The following MROH1 variants were observed in gnomAD, a reference collection of about 807,000 sequenced individuals.
The protein encoded by MROH1 is maestro heat-like repeat-containing protein family member 1.
MROH1 carries 117 observed loss-of-function variants against 116.5 expected under a neutral mutation model. The observed-to-expected ratio is 1.00, with a 90% CI of 0.86 to 1.17. MROH1 has a LOEUF of 1.17. Ranked by LOEUF, MROH1 falls within the 50% of genes most tolerant of loss-of-function variation. The pLI is 0.00. For synonymous variants in MROH1, 921 were observed against 583.9 expected (o/e 1.58, Z -8.32); for missense variants, 1,873 against 1,338.5 (o/e 1.40, Z -6.23).
In MROH1 at chr8:144,239,699, C is replaced by T. The variant is rs1840642375; in HGVS notation, c.1718C>T (p.Pro573Leu). ...AGTGTTCTGCACCCAAACATTCACC[C>T]TTTGCTGGGTCAGCATTGGGAAACG... ...LLSVLHPNIH[P>L]LLGQHWETTV... The change falls in exon 18 of 44, where the codon CCT (proline) becomes CTT (leucine). Residue 573 changes from proline (P) to leucine (L), a missense_variant. Coordinates refer to ENST00000326134, the MANE Select transcript of MROH1 (RefSeq NM_032450.3). The T allele has an allele frequency of 1.4e-6, 1 of 737,078 alleles. No homozygotes were observed. The highest frequency in any genetic ancestry group is 1.9e-5 in the Admixed American group (1 of 52,282). 45.7% of individuals were successfully genotyped at this position (737,078 alleles called of 1,614,324 possible). A position where few individuals can be genotyped will look rare whatever the true frequency, so the allele number is the denominator to read the frequency against.
At chr8:144,148,656 A>G in intron 1 of MROH1, 1 of 152,788 alleles carries the variant, frequency 6.5e-6, no homozygotes, top group East Asian at 1.9e-4. Context: ...GACTGGTCAT[A>G]GCGTGCCGGG....
intron 3 of MROH1, among the ~76,000 whole-genome samples, chr8:144,164,234 G>A (rs1416207881): frequency 3.6e-4 from 55 of 151,570 alleles, no homozygotes; most frequent in African/African-American, 1.2e-3. Flanking sequence ...GTGAAACCCC[G>A]TCTCTCCTAA....
chr8:144,213,662 G>A (rs1382087515), intron 12 of MROH1, among the ~76,000 whole-genome samples: 1 of 152,028 alleles, frequency 6.6e-6, no homozygotes, highest in East Asian at 1.9e-4. Context: ...GGTGGCGTGT[G>A]CCTATAATCC....
chr8:144,181,991 G>A (rs1825835812), intron 7 of MROH1, among the ~76,000 whole-genome samples: 1 of 152,226 alleles, frequency 6.6e-6, no homozygotes, highest in Non-Finnish European at 1.5e-5. Context: ...TTTCCTCCAT[G>A]TGTCAAACAC....
intron 13 of MROH1, among the ~76,000 whole-genome samples, chr8:144,222,181 G>A (rs1836911712): frequency 6.6e-6 from 1 of 152,332 alleles, no homozygotes; most frequent in Non-Finnish European, 1.5e-5. Flanking sequence ...ACGGAGGGAT[G>A]GGTGTATTTG....
At position 144,259,892 on chromosome 8, in the gene MROH1, A is replaced by G; in HGVS notation, c.4045-19A>G. ...TGGGGTCAGCGGGGAGAGGGAAGTC[A>G]CAGCACCTCTGCCTGCAGCTGCTGA... On this transcript the variant is annotated intron_variant, in intron 37 of 43. Transcript: ENST00000326134. 1.4e-6 allele frequency: 1 copy of G among 728,520 alleles called. No homozygotes were observed. The highest frequency in any genetic ancestry group is 2.5e-6 in the Non-Finnish European group (1 of 392,298). The allele number at this position is 728,520 out of a possible 1,614,324, so 45.1% of individuals were successfully genotyped here.
intron 24 of MROH1, among the ~76,000 whole-genome samples, chr8:144,243,112 C>A (rs1841303712): frequency 6.6e-6 from 1 of 152,274 alleles, no homozygotes; most frequent in African/African-American, 2.4e-5. Context: ...AAGCCCCTCT[C>A]TCAGGACAGT....
rs1039756966 is a variant in MROH1 at position 144,179,552 on chromosome 8, T to C, written c.266T>C (p.Ile89Thr). The change falls in exon 5 of 44, where the codon ATC (isoleucine) becomes ACC (threonine). Residue 89 changes from isoleucine to threonine, a missense_variant. Ile to Thr is a moderately conservative substitution (Grantham distance 89, BLOSUM62 -1). Coordinates refer to ENST00000326134, the MANE Select transcript of MROH1 (RefSeq NM_032450.3). ...GACAAGGACACAGCCAGCACCATCA[T>C]CCTCCTGGCCTCCAGCGAGATGACC... ...ELDKDTASTI[I>T]LLASSEMTKT... is the part of the protein sequence containing the mutation. The C allele has an allele frequency of 1.9e-6, 3 of 1,612,724 alleles. No individual in the cohort carries two copies. The highest frequency in any genetic ancestry group is 1.7e-6 in the Non-Finnish European group (2 of 1,179,560).
intron 14 of MROH1, among the ~76,000 whole-genome samples, chr8:144,237,498 G>T (rs1301188583): frequency 6.6e-6 from 1 of 152,178 alleles, no homozygotes; most frequent in Non-Finnish European, 1.5e-5. Context: ...TATTTCTTGA[G>T]TATTTCTTGC....
intron 14 of MROH1, among the ~76,000 whole-genome samples, chr8:144,235,693 A>G (rs968811884): frequency 6.6e-6 from 1 of 152,220 alleles, no homozygotes; most frequent in Admixed American, 6.5e-5. Flanking sequence ...CCACTTGGTC[A>G]TGGTGTATAA....
At chr8:144,176,549 A>AG (rs1190450834) in intron 4 of MROH1, among the ~76,000 whole-genome samples, 13 of 150,216 alleles carry the variant, frequency 8.7e-5, no homozygotes, top group East Asian at 1.9e-4. Context: ...AAAAAAAAAA[A>AG]AAAGAAATTT....
chr8:144,188,727 A>G (rs1827840039), intron 7 of MROH1, among the ~76,000 whole-genome samples: 1 of 151,880 alleles, frequency 6.6e-6, no homozygotes, highest in Admixed American at 6.6e-5. Context: ...CAGCCTCCCA[A>G]AGTTCTGGGA....
chr8:144,240,791 G>GCCTC, intron 20 of MROH1, 114 bp downstream of exon 20: 3 of 688,266 alleles, frequency 4.4e-6, no homozygotes. Context: ...GCCTGGCAGA[G>GCCTC]CCTCCTTGTG....
chr8:144,253,647 C>T (rs1192649147), intron 33 of MROH1, among the ~76,000 whole-genome samples: 4 of 152,036 alleles, frequency 2.6e-5, no homozygotes, highest in Non-Finnish European at 5.9e-5. Flanking sequence ...CACGCCCAGC[C>T]CTCTGCTGCT....
rs577557496 is a variant in MROH1 at position 144,172,557 on chromosome 8, G to A, written c.168+4117G>A. On this transcript the variant is annotated intron_variant, in intron 4 of 43. Transcript: ENST00000326134. Reference sequence around the variant, plus strand: ...CTCCTGAGTAGCTGGGATTACAGACGCGTGCCACCACACCAGCTAATTTTT... The same window carrying A: ...CTCCTGAGTAGCTGGGATTACAGACACGTGCCACCACACCAGCTAATTTTT... Among the ~76,000 whole-genome samples the A allele has an allele frequency of 1.3e-3, 200 of 151,912 alleles. 1 individual carries two copies. Among genetic ancestry groups the A allele is most frequent in the Middle Eastern group, 6.8e-3 (2 of 294 alleles).
At chr8:144,199,312 C>T in intron 11 of MROH1, 112 bp downstream of exon 11, 3 of 1,115,936 alleles carry the variant, frequency 2.7e-6, no homozygotes, top group Non-Finnish European at 2.6e-6. Context: ...GATGAGGAGG[C>T]CCCTGTTTCC....
At chr8:144,166,136 C>A (rs1385822875) in intron 3 of MROH1, among the ~76,000 whole-genome samples, 1 of 152,188 alleles carries the variant, frequency 6.6e-6, no homozygotes, top group Non-Finnish European at 1.5e-5. Context: ...ACCTTGGTCT[C>A]CCAAAGTGCT....
intron 10 of MROH1, among the ~76,000 whole-genome samples, chr8:144,198,615 A>C (rs1208375887): frequency 1.3e-5 from 2 of 151,942 alleles, no homozygotes; most frequent in African/African-American, 2.4e-5. Flanking sequence ...TACCAATAAG[A>C]CTTTTTTTTT....
rs1838506046 is a variant in MROH1, at chr8:144,229,865, C to T, written c.1338+6635C>T. ...CCTGGCCAACATGGTGAAACCCCGT[C>T]TCTACTAAAAATACAAAAATTAGCT... On this transcript the variant is annotated intron_variant, in intron 14 of 43. Transcript: ENST00000326134. 2.6e-5 allele frequency among the ~76,000 whole-genome samples: 4 copies of T among 151,972 alleles called. No homozygotes were observed. In the South Asian group the frequency reaches 8.3e-4, roughly 31 times the overall value.
Sources: gnomAD v4.1 joint callset for allele counts (sites outside exome capture counted in the v4.1 genomes callset) on GRCh38, gnomAD v4.1.1 for gene constraint, MANE v1.5 for transcripts, NCBI Gene and HGNC (gene_info 2026-07-23, HGNC 2026-07-21) for gene names.